ENPP6: variants seen among roughly 807,000 people sequenced by gnomAD.
ENPP6 encodes the protein ectonucleotide pyrophosphatase/phosphodiesterase 6, also known as glycerophosphocholine cholinephosphodiesterase ENPP6.
In ENPP6, 32 loss-of-function variants were observed where a neutral mutation model predicts 42.0. The ratio of observed to expected loss-of-function variants is 0.76; its 90% CI spans 0.58 to 1.02. The LOEUF is 1.02. Ranked by LOEUF, ENPP6 falls within the 50% of genes least tolerant of loss-of-function variation. The pLI, the probability that ENPP6 is intolerant of heterozygous loss-of-function variation, is 0.00. For missense variants in ENPP6, 552 were observed against 566.8 expected (o/e 0.97, Z 0.27); for synonymous variants, 213 against 216.0 (o/e 0.99, Z 0.12).
intron 1 of ENPP6, among the ~76,000 whole-genome samples, chr4:184,164,675 T>G (rs1737321473): frequency 6.6e-6 from 1 of 152,236 alleles, no homozygotes; most frequent in East Asian, 1.9e-4. Flanking sequence ...TCTGTTTCTC[T>G]AAGCCACCCA....
In ENPP6 at chr4:184,116,949, C is replaced by G; in HGVS notation, c.762G>C (p.Glu254Asp). Reference sequence around the variant, plus strand: ...CATTCAGGCTGATGTACTTATTCAGCTCAATCACTTTGTCCATCCAGAAAA... The same window carrying G: ...CATTCAGGCTGATGTACTTATTCAGGTCAATCACTTTGTCCATCCAGAAAA... ...TDIFWMDKVI[E>D]LNKYISLNDL... Residue 254 changes from glutamate to aspartate, a missense_variant, in exon 5 of 8, where the codon GAG (glutamate) becomes GAC (aspartate). Physicochemically the swap from Glu to Asp is conservative, Grantham distance 45 (BLOSUM62 2). Coordinates refer to ENST00000296741, the MANE Select transcript of ENPP6 (RefSeq NM_153343.4). 1 of 1,614,202 alleles carries G rather than the reference C, an allele frequency of 6.2e-7. No homozygotes were observed. The highest frequency in any genetic ancestry group is 8.5e-7 in the Non-Finnish European group (1 of 1,180,040).
At chr4:184,162,576 A>AAGGAAAG (rs1553998051) in intron 1 of ENPP6, among the ~76,000 whole-genome samples, 2 of 145,320 alleles carry the variant, frequency 1.4e-5, no homozygotes, top group South Asian at 2.2e-4. Flanking sequence ...AGGAAGGAAG[A>AAGGAAAG]AAGGAAGGAA....
intron 1 of ENPP6, among the ~76,000 whole-genome samples, chr4:184,215,367 C>T (rs1334856275): frequency 1.3e-5 from 2 of 152,186 alleles, no homozygotes; most frequent in South Asian, 4.1e-4. Flanking sequence ...TGTTTAGCTA[C>T]AATTCCCAAT....
intron 7 of ENPP6, among the ~76,000 whole-genome samples, chr4:184,095,671 T>A: frequency 6.7e-6 from 1 of 149,818 alleles, no homozygotes; most frequent in Non-Finnish European, 1.5e-5. Context: ...AAAAAATATA[T>A]CTATATATAT....
chr4:184,171,018 A>G (rs755282170), intron 1 of ENPP6, among the ~76,000 whole-genome samples: 5 of 152,228 alleles, frequency 3.3e-5, no homozygotes, highest in Admixed American at 6.5e-5. Context: ...GGGGTGGATC[A>G]GTTATCTGTT....
At chr4:184,187,806 G>C (rs1013346695) in intron 1 of ENPP6, among the ~76,000 whole-genome samples, 21 of 152,142 alleles carry the variant, frequency 1.4e-4, no homozygotes, top group Admixed American at 4.6e-4. Context: ...TATCTCCAGG[G>C]CCTAGAAGAG....
chr4:184,170,236 A>C (rs6552762), intron 1 of ENPP6, among the ~76,000 whole-genome samples: 144,161 of 152,148 alleles, frequency 0.95, 68,817 homozygotes, highest in East Asian at 1. Flanking sequence ...TTGAGACCAT[A>C]CTGGGCAACA....
In ENPP6 at chr4:184,116,847, C is replaced by T; in HGVS notation, c.855+9G>A. The T allele has an allele frequency of 6.2e-7, 1 of 1,613,068 alleles. No individual in the cohort carries two copies. The highest frequency in any genetic ancestry group is 8.5e-7 in the Non-Finnish European group (1 of 1,179,930). On this transcript the variant is annotated intron_variant, in intron 5 of 7. Coordinates refer to ENST00000296741, the MANE Select transcript of ENPP6 (RefSeq NM_153343.4). ...TGGCCCTCCTCCGCCCCCCACGGGT[C>T]TGTCTTGCCTCAGAGTGTTTCCCAG... is the stretch of plus-strand genomic sequence containing the variant.
intron 7 of ENPP6, among the ~76,000 whole-genome samples, chr4:184,093,766 G>A (rs572969573): frequency 6.6e-5 from 10 of 152,094 alleles, no homozygotes; most frequent in African/African-American, 2.2e-4. Flanking sequence ...AATCAGATGA[G>A]GATGGTAGTT....
intron 2 of ENPP6, among the ~76,000 whole-genome samples, chr4:184,130,582 G>A (rs1453251997): frequency 1.4e-5 from 2 of 141,180 alleles, no homozygotes; most frequent in African/African-American, 2.6e-5. Flanking sequence ...AAAAAAAAAA[G>A]AGCTTGGGTT....
intron 1 of ENPP6, among the ~76,000 whole-genome samples, chr4:184,207,244 G>A (rs1441307749): frequency 3.3e-5 from 5 of 152,172 alleles, no homozygotes; most frequent in Admixed American, 2.0e-4. Flanking sequence ...TGGCTTCCCC[G>A]CTACTCAGAA....
chr4:184,185,665 CA>C (rs1254286435), intron 1 of ENPP6, among the ~76,000 whole-genome samples: 4 of 152,158 alleles, frequency 2.6e-5, no homozygotes, highest in African/African-American at 7.2e-5. Context: ...AACAATCAGA[CA>C]AATCCAAAAT....
chr4:184,182,310 G>A lies in ENPP6; in HGVS notation c.242-28577C>T, dbSNP rs374771857. 3.9e-5 allele frequency among the ~76,000 whole-genome samples: 6 copies of A among 152,244 alleles called. No individual in the cohort carries two copies. In the East Asian group the frequency reaches 9.6e-4, roughly 24 times the overall value. ...GAAATGCAAATCAAAACCACAATGA[G>A]ATACCATCTCATGCCAGTCAGAACG... On this transcript the variant is annotated intron_variant, in intron 1 of 7. Transcript: ENST00000296741.
intron 1 of ENPP6, among the ~76,000 whole-genome samples, chr4:184,210,739 A>G (rs1395960030): frequency 6.6e-6 from 1 of 150,996 alleles, no homozygotes; most frequent in Non-Finnish European, 1.5e-5. Flanking sequence ...AAGCGGACCT[A>G]ATAGACATCT....
chr4:184,132,131 A>G (rs1329636977), intron 2 of ENPP6, among the ~76,000 whole-genome samples: 1 of 152,164 alleles, frequency 6.6e-6, no homozygotes, highest in Non-Finnish European at 1.5e-5. Flanking sequence ...GGAAAAATAC[A>G]TTACTGAGTC....
At chr4:184,130,817 C>T (rs1736593850) in intron 2 of ENPP6, among the ~76,000 whole-genome samples, 1 of 152,046 alleles carries the variant, frequency 6.6e-6, no homozygotes, top group African/African-American at 2.4e-5. Flanking sequence ...TCATAAGGAA[C>T]CAAAACTTAT....
intron 2 of ENPP6, among the ~76,000 whole-genome samples, chr4:184,131,259 TCTTCCTTCCTTC>T (rs779153660): frequency 2.7e-5 from 2 of 73,346 alleles, no homozygotes; most frequent in East Asian, 3.4e-4. Flanking sequence ...TTTCTCTTTC[TCTTCCTTCCTTC>T]CTTCCTTCCT....
chr4:184,131,520 A>ATTTTTTTTTTTTTTTT (rs58927070), intron 2 of ENPP6, among the ~76,000 whole-genome samples: 1 of 136,714 alleles, frequency 7.3e-6, no homozygotes, highest in African/African-American at 2.8e-5. Flanking sequence ...TGCCCAGCTA[A>ATTTTTTTTTTTTTTTT]TTTTTTTTTT....
At chr4:184,151,544 T>C (rs1356179601) in intron 2 of ENPP6, among the ~76,000 whole-genome samples, 1 of 152,136 alleles carries the variant, frequency 6.6e-6, no homozygotes, top group Non-Finnish European at 1.5e-5. Context: ...TGAGGGTGTG[T>C]TCTTCAAAGG....
Sources: allele counts gnomAD v4.1 joint callset (sites outside exome capture counted in the v4.1 genomes callset), GRCh38; gene constraint gnomAD v4.1.1; transcripts MANE v1.5; gene names NCBI Gene and HGNC (gene_info 2026-07-23, HGNC 2026-07-21).